The following TMEM204 variants were observed in gnomAD, a reference collection of about 807,000 sequenced individuals.
The protein encoded by TMEM204 is claudin-like protein 24.
TMEM204 carries 15 observed loss-of-function variants against 19.4 expected under a neutral mutation model. That is an observed-to-expected ratio of 0.77 (90% CI 0.52 to 1.19). The LOEUF is 1.19. Ranked by LOEUF, TMEM204 falls within the 50% of genes most tolerant of loss-of-function variation. TMEM204 has a pLI of 0.00. For synonymous variants in TMEM204, 161 were observed against 146.0 expected (o/e 1.10, Z -0.74); for missense variants, 287 against 321.2 (o/e 0.89, Z 0.81).
intron 2 of TMEM204, among the ~76,000 whole-genome samples, chr16:1,547,815 C>T (rs549092387): frequency 9.5e-4 from 144 of 152,134 alleles, no homozygotes; most frequent in Admixed American, 1.8e-3. Context: ...GGATTACAGG[C>T]GTGAGTCACT....
chr16:1,545,544 AAC>A (rs2032099526), intron 2 of TMEM204, among the ~76,000 whole-genome samples: 1 of 152,184 alleles, frequency 6.6e-6, no homozygotes, highest in African/African-American at 2.4e-5. Context: ...GTCTGTTTTA[AAC>A]AGTCAGGGAG....
At position 1,533,969 on chromosome 16, in the gene TMEM204, G is replaced by A. The variant is rs1211174650; in HGVS notation, c.-307G>A. ...GCACGCGCGGCACAGGCCGGCCTCC[G>A]CTTCCCGGGAAGACGGCGCACTCCT... On this transcript the variant is annotated 5_prime_UTR_variant, in exon 1 of 3. Coordinates refer to ENST00000566264, the MANE Select transcript of TMEM204 (RefSeq NM_024600.6). This position sits in a 1 kb window ranked among gnomAD's most constrained non-coding sequence, Gnocchi z 4.7. 9 of 434,686 alleles carry A rather than the reference G, an allele frequency of 2.1e-5. No individual in the cohort carries two copies. The highest frequency in any genetic ancestry group is 9.1e-5 in the South Asian group (3 of 32,788). 26.9% of individuals were successfully genotyped at this position (434,686 alleles called of 1,614,324 possible).
chr16:1,544,832 T>TA (rs1003856422), intron 2 of TMEM204, among the ~76,000 whole-genome samples: 3 of 151,642 alleles, frequency 2.0e-5, no homozygotes, highest in African/African-American at 7.3e-5. Context: ...GTATTTTTAG[T>TA]AGAGACGGGG....
At chr16:1,542,614 C>T (rs533136461) in intron 2 of TMEM204, among the ~76,000 whole-genome samples, 5 of 152,364 alleles carry the variant, frequency 3.3e-5, no homozygotes, top group African/African-American at 1.2e-4. Context: ...CTGGGGTCAG[C>T]GCAGGCCCTT....
intron 2 of TMEM204, among the ~76,000 whole-genome samples, chr16:1,552,549 C>T (rs1274971773): frequency 6.6e-6 from 1 of 152,244 alleles, no homozygotes; most frequent in Non-Finnish European, 1.5e-5. Flanking sequence ...ACCCCAGTAA[C>T]ACAAGCATCG....
At chr16:1,546,763 G>A (rs1464705011) in intron 2 of TMEM204, among the ~76,000 whole-genome samples, 2 of 152,190 alleles carry the variant, frequency 1.3e-5, no homozygotes, top group East Asian at 1.9e-4. Context: ...CTGCTGTCCT[G>A]AGCCCGGCCT....
At chr16:1,541,865 C>T (rs1014782200) in intron 1 of TMEM204, 56 bp from the exon 2 acceptor site, 23 of 1,495,264 alleles carry the variant, frequency 1.5e-5, no homozygotes, top group African/African-American at 4.2e-5. Context: ...TGACGGCTGG[C>T]GTGGCCTCTG....
chr16:1,530,162 CAG>C (rs1351476877), upstream of TMEM204, among the ~76,000 whole-genome samples: 2 of 93,324 alleles, frequency 2.1e-5, no homozygotes, highest in East Asian at 3.2e-4. Flanking sequence ...TTTTTTGAGA[CAG>C]AGTCTCACTC....
chr16:1,546,724 G>T lies in TMEM204; in HGVS notation c.436+4648G>T, dbSNP rs541878561. On this transcript the variant is annotated intron_variant, in intron 2 of 2. Coordinates refer to ENST00000566264, the MANE Select transcript of TMEM204 (RefSeq NM_024600.6). ...CAGGGCCCTCCCGCCCGCAGCTCTG[G>T]CTTTCACACAGGGCCCGGGCCTCAG... Among the ~76,000 whole-genome samples the T allele has an allele frequency of 5.3e-5, 8 of 152,332 alleles. No homozygotes were observed. The East Asian group carries it at 1.5e-3, about 29-fold the overall frequency.
chr16:1,530,510 G>T (rs1003524786), upstream of TMEM204, among the ~76,000 whole-genome samples: 1 of 152,160 alleles, frequency 6.6e-6, no homozygotes, highest in Non-Finnish European at 1.5e-5. Context: ...ACAGGGCTGG[G>T]ACCTGCCTCT....
At chr16:1,544,049 G>C (rs1461231152) in intron 2 of TMEM204, among the ~76,000 whole-genome samples, 9 of 135,924 alleles carry the variant, frequency 6.6e-5, no homozygotes, top group Non-Finnish European at 1.1e-4. Flanking sequence ...ATGGAGTCTT[G>C]CTCTGTCACC....
At chr16:1,538,776 C>T (rs920715167) in intron 1 of TMEM204, among the ~76,000 whole-genome samples, 2 of 152,154 alleles carry the variant, frequency 1.3e-5, no homozygotes, top group African/African-American at 4.8e-5. Flanking sequence ...GACAGGACGC[C>T]CTCAAAATGC....
At chr16:1,540,909 G>A (rs2031569623) in intron 1 of TMEM204, 23 of 985,334 alleles carry the variant, frequency 2.3e-5, no homozygotes, top group Non-Finnish European at 2.8e-5. Context: ...TCCAGGCTGA[G>A]TGTCTGTCAG....
rs754653931 is a variant in TMEM204, at chr16:1,534,268, C to A, written c.-8C>A. On this transcript the variant is annotated 5_prime_UTR_variant, in exon 1 of 3. Coordinates refer to ENST00000566264, the MANE Select transcript of TMEM204 (RefSeq NM_024600.6). ...TTCTCCGGATAAGCGGCGGCACCGG[C>A]GTCAGCGATGACCGTGCAGAGACTC... 1 of 1,609,792 alleles carries A rather than the reference C, an allele frequency of 6.2e-7. No homozygotes were observed. The highest frequency in any genetic ancestry group is 8.5e-7 in the Non-Finnish European group (1 of 1,179,378).
At chr16:1,535,470 G>C (rs1231521255) in intron 1 of TMEM204, among the ~76,000 whole-genome samples, 1 of 152,214 alleles carries the variant, frequency 6.6e-6, no homozygotes. Context: ...CTGCTGCAGA[G>C]CCTCACAGAC....
intron 2 of TMEM204, among the ~76,000 whole-genome samples, chr16:1,550,167 C>T (rs572619379): frequency 5.7e-4 from 86 of 152,078 alleles, no homozygotes; most frequent in African/African-American, 1.7e-3. Context: ...CTCAAACTCC[C>T]GGGCTCAAGC....
intron 2 of TMEM204, among the ~76,000 whole-genome samples, chr16:1,547,725 G>C (rs1247092560): frequency 6.6e-6 from 1 of 152,118 alleles, no homozygotes; most frequent in Non-Finnish European, 1.5e-5. Flanking sequence ...TGGTAGAGAT[G>C]GGGTTTCACC....
rs2032667557 is a variant in TMEM204 at position 1,551,849 on chromosome 16, T to C, written c.437-2933T>C. Among the ~76,000 whole-genome samples, 1 of 152,196 alleles carries C rather than the reference T, an allele frequency of 6.6e-6. No homozygotes were observed. Among genetic ancestry groups the C allele is most frequent in the East Asian group, 1.9e-4 (1 of 5,186 alleles). ...TGCCCTGTGTTGCCTTAGAGTTTTC[T>C]TCCCGAGGTTTTCCTAGAAAGCCAC... On this transcript the variant is annotated intron_variant, in intron 2 of 2. Coordinates refer to ENST00000566264, the MANE Select transcript of TMEM204 (RefSeq NM_024600.6). This position sits in a 1 kb window ranked among gnomAD's most constrained non-coding sequence, Gnocchi z 4.0.
intron 1 of TMEM204, among the ~76,000 whole-genome samples, chr16:1,539,057 G>A (rs1034400626): frequency 1.4e-5 from 2 of 144,242 alleles, no homozygotes; most frequent in South Asian, 2.2e-4. Flanking sequence ...ATGGCCCCAC[G>A]CCTCAGGCCT....
Sources: gnomAD v4.1 joint callset for allele counts (sites outside exome capture counted in the v4.1 genomes callset) on GRCh38, gnomAD v4.1.1 for gene constraint, Gnocchi (gnomAD v3.1) non-coding constraint, MANE v1.5 for transcripts, NCBI Gene and HGNC (gene_info 2026-07-23, HGNC 2026-07-21) for gene names.